CHST11: variants seen among roughly 807,000 people sequenced by gnomAD.
CHST11 encodes carbohydrate sulfotransferase 11, also known as C4S-1.
A neutral mutation model predicts 30.4 loss-of-function variants in CHST11; 9 were observed. That is an observed-to-expected ratio of 0.30 (90% confidence interval 0.18 to 0.52). CHST11 has a LOEUF of 0.52. Ranked by LOEUF, CHST11 falls within the 20% of genes least tolerant of loss-of-function variation. The probability of loss-of-function intolerance (pLI) is 0.97; values close to 1 mark genes in which losing one functional copy is unlikely to be tolerated. For synonymous variants in CHST11, 152 were observed against 187.8 expected (o/e 0.81, Z 1.56); for missense variants, 348 against 460.6 (o/e 0.76, Z 2.24).
chr12:104,748,612 G>A (rs2040406845), intron 2 of CHST11, among the ~76,000 whole-genome samples: 1 of 152,116 alleles, frequency 6.6e-6, no homozygotes, highest in African/African-American at 2.4e-5. Flanking sequence ...AGATGGCCGT[G>A]TGAGAAGGCA....
chr12:104,461,358 A>G (rs143457036), intron 1 of CHST11, among the ~76,000 whole-genome samples: 2 of 152,104 alleles, frequency 1.3e-5, no homozygotes, highest in Non-Finnish European at 2.9e-5. Context: ...GGAGAATGGA[A>G]CCATATACCT....
At chr12:104,732,123 C>T (rs1032255279) in intron 2 of CHST11, among the ~76,000 whole-genome samples, 1 of 152,268 alleles carries the variant, frequency 6.6e-6, no homozygotes, top group Non-Finnish European at 1.5e-5. Flanking sequence ...TTGGGTACAC[C>T]TCAGCATCAG....
chr12:104,514,995 ACT>A (rs756847396), intron 1 of CHST11, among the ~76,000 whole-genome samples: 25 of 152,132 alleles, frequency 1.6e-4, no homozygotes, highest in Non-Finnish European at 3.1e-4. Context: ...TTGTGAAAGG[ACT>A]CTGGGTCGTT....
At chr12:104,647,386 T>TA (rs1482845007) in intron 2 of CHST11, among the ~76,000 whole-genome samples, 1 of 152,210 alleles carries the variant, frequency 6.6e-6, no homozygotes, top group Admixed American at 6.5e-5. Context: ...TCTATTTTTT[T>TA]AGCTATATTT....
intron 1 of CHST11, among the ~76,000 whole-genome samples, chr12:104,546,475 AAAAAG>A (rs3039119): frequency 0.071 from 9,394 of 132,492 alleles, 791 homozygotes; most frequent in East Asian, 0.52. Context: ...AAAAAAAAAA[AAAAAG>A]ATTTAAATTT....
intron 2 of CHST11, among the ~76,000 whole-genome samples, chr12:104,672,926 A>G (rs1486656717): frequency 6.6e-6 from 1 of 152,184 alleles, no homozygotes; most frequent in African/African-American, 2.4e-5. Context: ...ATGAATCACC[A>G]CAGACCAGGT....
intron 1 of CHST11, among the ~76,000 whole-genome samples, chr12:104,590,551 G>A (rs1007055013): frequency 6.6e-6 from 1 of 152,152 alleles, no homozygotes; most frequent in Non-Finnish European, 1.5e-5. Context: ...ATGAAACTTA[G>A]GGTCTCGTGG....
At chr12:104,703,248 G>A (rs1470946173) in intron 2 of CHST11, among the ~76,000 whole-genome samples, 1 of 152,174 alleles carries the variant, frequency 6.6e-6, no homozygotes, top group East Asian at 1.9e-4. Flanking sequence ...TGAGGCAGCT[G>A]ACACCTCGGG....
chr12:104,610,952 A>C (rs1045298225), intron 2 of CHST11, among the ~76,000 whole-genome samples: 1 of 152,254 alleles, frequency 6.6e-6, no homozygotes, highest in Non-Finnish European at 1.5e-5. Context: ...TCCCAGGCAC[A>C]TGGCAAGATG....
chr12:104,723,828 T>TATA (rs1184841841), intron 2 of CHST11, among the ~76,000 whole-genome samples: 3 of 152,246 alleles, frequency 2.0e-5, no homozygotes, highest in Non-Finnish European at 4.4e-5. Flanking sequence ...ACAGTTCCTA[T>TATA]ATAAAACGAA....
At chr12:104,644,353 G>A (rs916784265) in intron 2 of CHST11, among the ~76,000 whole-genome samples, 8 of 152,192 alleles carry the variant, frequency 5.3e-5, no homozygotes, top group African/African-American at 1.9e-4. Context: ...CCCTACTGAT[G>A]TCTTTCCTCA....
intron 1 of CHST11, among the ~76,000 whole-genome samples, chr12:104,507,699 G>A (rs919995215): frequency 6.6e-6 from 1 of 152,298 alleles, no homozygotes; most frequent in South Asian, 2.1e-4. Flanking sequence ...GGGAATGACT[G>A]AGATGATTTG....
At chr12:104,570,418 G>C (rs568877945) in intron 1 of CHST11, among the ~76,000 whole-genome samples, 2 of 152,080 alleles carry the variant, frequency 1.3e-5, no homozygotes, top group Non-Finnish European at 2.9e-5. Context: ...TCAGCACTGT[G>C]CAGCCCACCC....
intron 2 of CHST11, among the ~76,000 whole-genome samples, chr12:104,644,188 C>T (rs1465493226): frequency 2.0e-5 from 3 of 152,146 alleles, no homozygotes; most frequent in East Asian, 1.9e-4. Context: ...GCCGCAGCCA[C>T]CCTCCCAGCG....
rs150410705 is a variant in CHST11, at chr12:104,483,366, C to T, written c.118+25837C>T. Among the ~76,000 whole-genome samples, 1,290 of 152,230 alleles carry T rather than the reference C, an allele frequency of 8.5e-3. 14 individuals are homozygous for T. Among genetic ancestry groups the T allele is most frequent in the African/African-American group, 0.03 (1,235 of 41,540 alleles). ...GATTACAGGTGCCAGCCACCATGCC[C>T]GGCTAATTTTTGTATTTTTAGTAGA... On this transcript the variant is annotated intron_variant, in intron 1 of 2. Transcript: ENST00000303694.
At chr12:104,696,793 T>C (rs1038516981) in intron 2 of CHST11, among the ~76,000 whole-genome samples, 2 of 152,228 alleles carry the variant, frequency 1.3e-5, no homozygotes, top group Non-Finnish European at 2.9e-5. Flanking sequence ...CAGTGTTTGT[T>C]TTATACTGTG....
At chr12:104,717,402 T>C (rs1407674482) in intron 2 of CHST11, among the ~76,000 whole-genome samples, 2 of 152,154 alleles carry the variant, frequency 1.3e-5, no homozygotes, top group African/African-American at 4.8e-5. Flanking sequence ...TCTTTCTGAA[T>C]TGCATGGCTC....
At chr12:104,648,952 G>A (rs1009264477) in intron 2 of CHST11, among the ~76,000 whole-genome samples, 2 of 152,228 alleles carry the variant, frequency 1.3e-5, no homozygotes, top group African/African-American at 4.8e-5. Context: ...TGCAGTGGAA[G>A]CAGGGGAAAT....
chr12:104,565,504 T>G (rs1322726646), intron 1 of CHST11, among the ~76,000 whole-genome samples: 1 of 151,968 alleles, frequency 6.6e-6, no homozygotes, highest in African/African-American at 2.4e-5. Flanking sequence ...TGACCTCAAG[T>G]GATCCACCTG....
Sources: allele counts gnomAD v4.1 joint callset (sites outside exome capture counted in the v4.1 genomes callset), GRCh38; gene constraint gnomAD v4.1.1; transcripts MANE v1.5; gene names NCBI Gene and HGNC (gene_info 2026-07-23, HGNC 2026-07-21).